EPB41L3: variants seen among roughly 807,000 people sequenced by gnomAD.
The protein encoded by EPB41L3 is band 4.1-like protein 3.
Under a neutral mutation model 127.1 loss-of-function variants are expected in EPB41L3, and 57 were observed. The observed-to-expected ratio is 0.45, with a 90% CI of 0.36 to 0.56. The LOEUF (loss-of-function observed/expected upper bound fraction) is 0.56. Ranked by LOEUF, EPB41L3 falls within the 20% of genes least tolerant of loss-of-function variation. EPB41L3 has a pLI of 0.00. For missense variants in EPB41L3, 1,273 were observed against 1,372.2 expected (o/e 0.93, Z 1.14); for synonymous variants, 572 against 549.5 (o/e 1.04, Z -0.57).
intron 1 of EPB41L3, among the ~76,000 whole-genome samples, chr18:5,621,122 ACT>A (rs1223265237): frequency 2.0e-5 from 3 of 151,912 alleles, no homozygotes; most frequent in Non-Finnish European, 4.4e-5. Flanking sequence ...AGTCCTAGTG[ACT>A]CTCTGCTGGG....
At chr18:5,487,710 C>G (rs2090000229) in intron 2 of EPB41L3, among the ~76,000 whole-genome samples, 1 of 151,496 alleles carries the variant, frequency 6.6e-6, no homozygotes, top group Non-Finnish European at 1.5e-5. Flanking sequence ...GTGATCCGCC[C>G]TCCTAAGCCT....
At chr18:5,433,336 A>C (rs983158109) in intron 8 of EPB41L3, 133 bp downstream of exon 8, 1 of 660,996 alleles carries the variant, frequency 1.5e-6, no homozygotes, top group Non-Finnish European at 2.6e-6. Context: ...TAGGGCTTAA[A>C]AGACAAGCAG....
intron 1 of EPB41L3, among the ~76,000 whole-genome samples, chr18:5,526,504 A>G (rs1479787804): frequency 2.6e-5 from 4 of 152,218 alleles, no homozygotes; most frequent in African/African-American, 9.7e-5. Context: ...AACTGAATAT[A>G]AATTTAAAAA....
chr18:5,620,884 TC>T (rs1397399691), intron 1 of EPB41L3, among the ~76,000 whole-genome samples: 1 of 152,154 alleles, frequency 6.6e-6, no homozygotes, highest in Non-Finnish European at 1.5e-5. Flanking sequence ...GAGTAACCTT[TC>T]CCTATCTAAT....
chr18:5,594,350 C>T (rs1320670493), intron 3 of EPB41L3, among the ~76,000 whole-genome samples: 2 of 152,146 alleles, frequency 1.3e-5, no homozygotes, highest in Non-Finnish European at 2.9e-5. Context: ...GGTACATTAC[C>T]AATCTGGTAA....
chr18:5,617,848 G>C (rs1422843281), intron 1 of EPB41L3, among the ~76,000 whole-genome samples: 1 of 152,200 alleles, frequency 6.6e-6, no homozygotes, highest in Non-Finnish European at 1.5e-5. Context: ...ACTTAGGATA[G>C]TATGTCCAAA....
At chr18:5,490,592 T>C (rs1473074116) in intron 1 of EPB41L3, among the ~76,000 whole-genome samples, 1 of 152,210 alleles carries the variant, frequency 6.6e-6, no homozygotes, top group African/African-American at 2.4e-5. Flanking sequence ...CCAAAGCATA[T>C]ATAAATATCG....
intron 3 of EPB41L3, among the ~76,000 whole-genome samples, chr18:5,459,453 C>T (rs542134195): frequency 1.8e-4 from 27 of 151,054 alleles, no homozygotes; most frequent in African/African-American, 6.1e-4. Context: ...TTGACTTTTG[C>T]TTTTTGTTTA....
chr18:5,543,987 G>T lies in EPB41L3; in HGVS notation c.-86C>A. 2 of 985,602 alleles carry T rather than the reference G, an allele frequency of 2.0e-6. No homozygotes were observed. Among genetic ancestry groups the T allele is most frequent in the South Asian group, 9.4e-5 (2 of 21,290 alleles). The allele number at this position is 985,602 out of a possible 1,614,324, so 61.1% of individuals were successfully genotyped here. A position where few individuals can be genotyped will look rare whatever the true frequency, so the allele number is the denominator to read the frequency against. On this transcript the variant is annotated 5_prime_UTR_variant, in exon 1 of 23. Coordinates refer to ENST00000341928, the MANE Select transcript of EPB41L3 (RefSeq NM_012307.5). This position sits in a 1 kb window ranked among gnomAD's most constrained non-coding sequence, Gnocchi z 5.2. The stretch of plus-strand genomic sequence containing the variant: ...GGGCGCGCGTCCTCGGCGGCGGTGC[G>T]CAGGAGACTCGGGCGTGGGGAGGAA...
intron 1 of EPB41L3, among the ~76,000 whole-genome samples, chr18:5,615,482 T>C (rs58157717): frequency 0.04 from 6,105 of 152,212 alleles, 388 homozygotes; most frequent in African/African-American, 0.14. Flanking sequence ...AAAAAACTAC[T>C]TAGAATGAGT....
intron 6 of EPB41L3, among the ~76,000 whole-genome samples, chr18:5,437,431 C>A (rs990778669): frequency 1.3e-5 from 2 of 152,148 alleles, no homozygotes; most frequent in Non-Finnish European, 2.9e-5. Flanking sequence ...TATCAATCAA[C>A]CACCCACTTT....
At chr18:5,409,861 T>C (rs2075979715) in intron 14 of EPB41L3, among the ~76,000 whole-genome samples, 2 of 152,052 alleles carry the variant, frequency 1.3e-5, no homozygotes, top group Admixed American at 6.6e-5. Context: ...AACTACTTAA[T>C]GGTAGAGAAG....
chr18:5,522,102 AT>A (rs1345522790), intron 1 of EPB41L3, among the ~76,000 whole-genome samples: 1 of 151,828 alleles, frequency 6.6e-6, no homozygotes, highest in African/African-American at 2.4e-5. Context: ...TTATTTATTT[AT>A]TTATTTATTT....
intron 3 of EPB41L3, among the ~76,000 whole-genome samples, chr18:5,598,665 C>T (rs1421739981): frequency 6.6e-6 from 1 of 152,140 alleles, no homozygotes; most frequent in African/African-American, 2.4e-5. Context: ...TCCATGGTTT[C>T]ATTGTATCAC....
intron 2 of EPB41L3, among the ~76,000 whole-genome samples, chr18:5,480,700 T>C (rs1475067720): frequency 6.6e-6 from 1 of 152,192 alleles, no homozygotes; most frequent in Non-Finnish European, 1.5e-5. Flanking sequence ...TCTCCGAAGA[T>C]GGTAAAACAA....
At chr18:5,538,476 T>A (rs773118520) in intron 1 of EPB41L3, among the ~76,000 whole-genome samples, 1 of 152,180 alleles carries the variant, frequency 6.6e-6, no homozygotes, top group Non-Finnish European at 1.5e-5. Context: ...TGTGAAAAAA[T>A]AACTTTCTTT....
chr18:5,467,095 A>G (rs2085131699), intron 3 of EPB41L3, among the ~76,000 whole-genome samples: 1 of 152,206 alleles, frequency 6.6e-6, no homozygotes, highest in Admixed American at 6.5e-5. Context: ...TTTCCACTTT[A>G]AGCTAGATGA....
chr18:5,419,191 A>G (rs2077176245), intron 12 of EPB41L3, among the ~76,000 whole-genome samples: 1 of 152,214 alleles, frequency 6.6e-6, no homozygotes, highest in Non-Finnish European at 1.5e-5. Flanking sequence ...TCCTGTTGCA[A>G]CTTTCTGCCT....
chr18:5,577,248 T>C, intron 3 of EPB41L3: 2 of 337,158 alleles, frequency 5.9e-6, no homozygotes, highest in Non-Finnish European at 1.2e-5. Flanking sequence ...TGTTTAAATA[T>C]GTATCCAATG....
Sources: allele counts gnomAD v4.1 joint callset (sites outside exome capture counted in the v4.1 genomes callset), GRCh38; gene constraint gnomAD v4.1.1; non-coding constraint Gnocchi (gnomAD v3.1); transcripts MANE v1.5; gene names NCBI Gene and HGNC (gene_info 2026-07-23, HGNC 2026-07-21).